The following ATOSA variants were observed in gnomAD, a reference collection of about 807,000 sequenced individuals.
ATOSA encodes the protein atos homolog A.
chr15:52,633,387 C>T, the ATOSA span, among the ~76,000 whole-genome samples: 4 of 152,192 alleles, frequency 2.6e-5, no homozygotes, highest in Non-Finnish European at 5.9e-5. Context: ...GCAGACAGGA[C>T]AGGACTGTTA....
At chr15:52,673,305 G>T in the ATOSA span, among the ~76,000 whole-genome samples, 1 of 152,184 alleles carries the variant, frequency 6.6e-6, no homozygotes, top group African/African-American at 2.4e-5. Flanking sequence ...TTTTCCTCAA[G>T]TATTTTTAAA....
At chr15:52,693,688 C>T in the ATOSA span, among the ~76,000 whole-genome samples, 1 of 152,204 alleles carries the variant, frequency 6.6e-6, no homozygotes, top group Non-Finnish European at 1.5e-5. Context: ...GGTCCTTCCT[C>T]AATCCATAAA....
chr15:52,698,437 AT>A, the ATOSA span, among the ~76,000 whole-genome samples: 1 of 152,218 alleles, frequency 6.6e-6, no homozygotes, highest in Non-Finnish European at 1.5e-5. Flanking sequence ...ATGTTCTCTC[AT>A]TTGTACATTA....
the ATOSA span, among the ~76,000 whole-genome samples, chr15:52,677,748 C>T: frequency 6.6e-6 from 1 of 152,204 alleles, no homozygotes; most frequent in Non-Finnish European, 1.5e-5. Flanking sequence ...GATACAAATA[C>T]CATTCTTTAC....
At chr15:52,584,818 C>G in the ATOSA span, 2 of 1,613,570 alleles carry the variant, frequency 1.2e-6, no homozygotes, top group Non-Finnish European at 1.7e-6. Flanking sequence ...CTTCTCTTCA[C>G]TTCTTGTTTA....
the ATOSA span, among the ~76,000 whole-genome samples, chr15:52,629,207 T>C: frequency 6.6e-6 from 1 of 152,136 alleles, no homozygotes; most frequent in East Asian, 1.9e-4. Flanking sequence ...AAAGACGTTT[T>C]AAGAGCAGTT....
the ATOSA span, chr15:52,605,379 G>A: frequency 1.7e-6 from 1 of 587,680 alleles, no homozygotes; most frequent in Non-Finnish European, 2.9e-6. Context: ...ATATACAGGT[G>A]GGATATCCCT....
the ATOSA span, chr15:52,605,099 G>A: frequency 5.0e-6 from 7 of 1,398,532 alleles, no homozygotes; most frequent in African/African-American, 1.0e-4. Flanking sequence ...ATGTATGTAA[G>A]TTCTAAGCAT....
At chr15:52,623,297 A>G in the ATOSA span, among the ~76,000 whole-genome samples, 691 of 152,284 alleles carry the variant, frequency 4.5e-3, 7 homozygotes, top group African/African-American at 0.016. Flanking sequence ...TTTACATTTT[A>G]AAATGTACAT....
At chr15:52,628,158 T>C in the ATOSA span, among the ~76,000 whole-genome samples, 2 of 152,310 alleles carry the variant, frequency 1.3e-5, no homozygotes, top group African/African-American at 2.4e-5. Context: ...CTGTTCTTCA[T>C]GTCTGCAGAC....
chr15:52,640,377 C>A, the ATOSA span, among the ~76,000 whole-genome samples: 1 of 151,376 alleles, frequency 6.6e-6, no homozygotes, highest in Non-Finnish European at 1.5e-5. Flanking sequence ...AACAGCCTGG[C>A]CAACATGGTG....
At chr15:52,613,479 C>A in the ATOSA span, among the ~76,000 whole-genome samples, 10 of 152,198 alleles carry the variant, frequency 6.6e-5, no homozygotes, top group Admixed American at 6.5e-4. Flanking sequence ...GCAGAGTTAC[C>A]TGCAATGCCT....
At chr15:52,691,603 G>A in the ATOSA span, among the ~76,000 whole-genome samples, 1 of 152,150 alleles carries the variant, frequency 6.6e-6, no homozygotes, top group Non-Finnish European at 1.5e-5. Context: ...GGGAGGCTGA[G>A]GTGGGAGAGT....
At chr15:52,640,999 C>T in the ATOSA span, among the ~76,000 whole-genome samples, 3 of 152,070 alleles carry the variant, frequency 2.0e-5, no homozygotes, top group Admixed American at 6.5e-5. Context: ...TGTACTCCCA[C>T]GTTTATTGCA....
the ATOSA span, chr15:52,657,083 TTGTAGATGAAGAAA>T: frequency 3.9e-5 from 6 of 152,190 alleles, no homozygotes; most frequent in African/African-American, 1.2e-4. Flanking sequence ...AAATAATATT[TTGTAGATGAAGAAA>T]CTGAATCATA....
chr15:52,687,115 A>C, the ATOSA span, among the ~76,000 whole-genome samples: 3 of 152,212 alleles, frequency 2.0e-5, no homozygotes, highest in Non-Finnish European at 4.4e-5. Flanking sequence ...CATGTTAATA[A>C]ATAATTGCGG....
the ATOSA span, among the ~76,000 whole-genome samples, chr15:52,646,788 T>G: frequency 6.6e-6 from 1 of 152,204 alleles, no homozygotes; most frequent in Non-Finnish European, 1.5e-5. Flanking sequence ...CTAAGGTAAT[T>G]TATGATCCTC....
chr15:52,618,123 C>T, the ATOSA span, among the ~76,000 whole-genome samples: 2 of 152,120 alleles, frequency 1.3e-5, no homozygotes. Context: ...ACTGCAAGCT[C>T]TGCCTCCCAG....
chr15:52,651,961 C>T, the ATOSA span: 1 of 1,534,774 alleles, frequency 6.5e-7, no homozygotes, highest in Non-Finnish European at 8.7e-7. Context: ...GCTATACTAT[C>T]AGTAACTGAG....
Sources: gnomAD v4.1 joint callset for allele counts (sites outside exome capture counted in the v4.1 genomes callset) on GRCh38, gnomAD v4.1.1 for gene constraint, MANE v1.5 for transcripts, NCBI Gene and HGNC (gene_info 2026-07-23, HGNC 2026-07-21) for gene names.